CPA6: variants seen among roughly 807,000 people sequenced by gnomAD.
The protein encoded by CPA6 is carboxypeptidase A6.
In CPA6, 58 loss-of-function variants were observed where a neutral mutation model predicts 63.3. The ratio of observed to expected loss-of-function variants is 0.92; its 90% CI spans 0.74 to 1.14. CPA6 has a LOEUF of 1.14. Among genes scored for constraint, CPA6 ranks in the 50% most tolerant of loss-of-function variants. The pLI, the probability that CPA6 is intolerant of heterozygous loss-of-function variation, is 0.00. For synonymous variants in CPA6, 185 were observed against 179.0 expected (o/e 1.03, Z -0.27); for missense variants, 565 against 526.6 (o/e 1.07, Z -0.71).
chr8:67,721,370 T>C (rs937570341), intron 1 of CPA6, among the ~76,000 whole-genome samples: 28 of 152,270 alleles, frequency 1.8e-4, no homozygotes, highest in African/African-American at 6.8e-4. Context: ...TTTCAGATAT[T>C]GAAGGTCTGT....
At chr8:67,537,921 T>G (rs1812620550) in intron 2 of CPA6, among the ~76,000 whole-genome samples, 1 of 152,222 alleles carries the variant, frequency 6.6e-6, no homozygotes, top group Non-Finnish European at 1.5e-5. Context: ...ACTTATTTAT[T>G]TCTGCCTTAA....
At chr8:67,621,238 T>G (rs1209330311) in intron 2 of CPA6, among the ~76,000 whole-genome samples, 1 of 152,210 alleles carries the variant, frequency 6.6e-6, no homozygotes, top group Non-Finnish European at 1.5e-5. Flanking sequence ...CCTTTACCCT[T>G]TGCTGATTTT....
Position 67,511,592 on chromosome 8 carries a change from G to T in CPA6, c.381C>A (p.Asn127Lys), listed in dbSNP as rs1364148930. 1 of 1,612,424 alleles carries T rather than the reference G, an allele frequency of 6.2e-7. No individual in the cohort carries two copies. Among genetic ancestry groups the T allele is most frequent in the Non-Finnish European group, 8.5e-7 (1 of 1,178,576 alleles). ...AATTATATCCAGAGAGGGATCTTCG[G>T]TTTCTCTGGGTGTGCAAGCTGCTTC... ...EKGSSLHTQR[N>K]RRSLSGYNYE... The change falls in exon 4 of 11, where the codon AAC becomes AAA. Residue 127 changes from asparagine (N) to lysine (K), a missense_variant. Physicochemically the swap from Asn to Lys is moderately conservative, Grantham distance 94. Coordinates refer to ENST00000297770, the MANE Select transcript of CPA6 (RefSeq NM_020361.5).
chr8:67,456,618 A>G (rs957437677), intron 8 of CPA6, among the ~76,000 whole-genome samples: 2 of 152,190 alleles, frequency 1.3e-5, no homozygotes, highest in African/African-American at 2.4e-5. Flanking sequence ...AGCCTTCAAG[A>G]TAAAGGGGCT....
At chr8:67,566,562 T>C (rs916382779) in intron 2 of CPA6, among the ~76,000 whole-genome samples, 1 of 152,244 alleles carries the variant, frequency 6.6e-6, no homozygotes, top group Non-Finnish European at 1.5e-5. Context: ...CATTTAGATA[T>C]CTAGTCCCTA....
intron 2 of CPA6, among the ~76,000 whole-genome samples, chr8:67,575,476 A>T (rs1813599057): frequency 6.6e-6 from 1 of 152,238 alleles, no homozygotes; most frequent in African/African-American, 2.4e-5. Flanking sequence ...AAGATACAGA[A>T]TCAACCTAAG....
At chr8:67,471,002 T>C (rs544465118) in intron 8 of CPA6, among the ~76,000 whole-genome samples, 1 of 152,306 alleles carries the variant, frequency 6.6e-6, no homozygotes, top group African/African-American at 2.4e-5. Context: ...TCTCCAGCGC[T>C]TTCCCAACCT....
At chr8:67,600,685 A>G (rs1364545695) in intron 2 of CPA6, among the ~76,000 whole-genome samples, 2 of 152,178 alleles carry the variant, frequency 1.3e-5, no homozygotes, top group Admixed American at 6.5e-5. Flanking sequence ...AATAGTATCA[A>G]ATGGTGTCTT....
At chr8:67,454,230 C>T (rs7824691) in intron 8 of CPA6, among the ~76,000 whole-genome samples, 15,441 of 152,192 alleles carry the variant, frequency 0.1, 2,007 homozygotes, top group African/African-American at 0.3. Context: ...AACCATCTAT[C>T]TTTATTTATA....
At chr8:67,694,217 A>G (rs916146535) in intron 1 of CPA6, among the ~76,000 whole-genome samples, 6 of 151,908 alleles carry the variant, frequency 3.9e-5, no homozygotes, top group Non-Finnish European at 5.9e-5. Context: ...AGCAGATCCA[A>G]TGGTGCTTGA....
chr8:67,463,148 T>C (rs1428231415), intron 8 of CPA6, among the ~76,000 whole-genome samples: 1 of 152,166 alleles, frequency 6.6e-6, no homozygotes, highest in African/African-American at 2.4e-5. Context: ...ATTTGTTCTT[T>C]AAAGAAGAAT....
chr8:67,710,144 T>C (rs747310665), intron 1 of CPA6, among the ~76,000 whole-genome samples: 17 of 152,086 alleles, frequency 1.1e-4, no homozygotes, highest in Admixed American at 2.6e-4. Context: ...ATTGGAAATT[T>C]GTTAAAAGAA....
rs570935018 is a variant in CPA6, at chr8:67,608,910, G to T, written c.192+15266C>A. On this transcript the variant is annotated intron_variant, in intron 2 of 10. Transcript: ENST00000297770. ...CCACACTTAACTAATTGTAGGGAAG[G>T]TTGTGAAATACAGCACCCATGTGGA... 2.6e-5 allele frequency among the ~76,000 whole-genome samples: 4 copies of T among 152,328 alleles called. No individual in the cohort carries two copies. The South Asian group carries it at 8.3e-4, about 32-fold the overall frequency.
intron 1 of CPA6, among the ~76,000 whole-genome samples, chr8:67,727,794 T>A (rs1334255512): frequency 6.6e-6 from 1 of 152,106 alleles, no homozygotes; most frequent in Non-Finnish European, 1.5e-5. Flanking sequence ...AAAACTATTA[T>A]CTGGACAGAC....
Position 67,422,705 on chromosome 8 carries a change from CAAA to C in CPA6, c.1127-17_1127-15del. On this transcript the variant is annotated splice_polypyrimidine_tract_variant and intron_variant, in intron 10 of 10. Transcript: ENST00000297770. The stretch of plus-strand genomic sequence containing the variant: ...CAGAGCTCACATCTAAAAGTTAAAA[CAAA>C]AAAAAAAAGATCAGCCTCACTAAAG... 8.1e-7 allele frequency: 1 copy of C among 1,228,938 alleles called. No homozygotes were observed. The highest frequency in any genetic ancestry group is 1.1e-6 in the Non-Finnish European group (1 of 904,796). The allele number at this position is 1,228,938 out of a possible 1,614,324, so 76.1% of individuals were successfully genotyped here. A position where few individuals can be genotyped will look rare whatever the true frequency, so the allele number is the denominator to read the frequency against.
intron 9 of CPA6, among the ~76,000 whole-genome samples, chr8:67,430,329 G>A (rs1308884170): frequency 2.6e-5 from 4 of 151,674 alleles, no homozygotes; most frequent in Admixed American, 1.3e-4. Context: ...ACAGGCACCC[G>A]CGACCACGCC....
In CPA6 at chr8:67,654,963, T is replaced by C. The variant is rs148276614; in HGVS notation, c.117-30712A>G. ...AATGATTTAATTTTTGTACTCTTTATGTAAGACACAGATAATGCTGCCCCT... is the reference window on the plus strand; with the variant it reads ...AATGATTTAATTTTTGTACTCTTTACGTAAGACACAGATAATGCTGCCCCT... On this transcript the variant is annotated intron_variant, in intron 1 of 10. Coordinates refer to ENST00000297770, the MANE Select transcript of CPA6 (RefSeq NM_020361.5). Among the ~76,000 whole-genome samples, 1,101 of 152,298 alleles carry C rather than the reference T, an allele frequency of 7.2e-3. 14 individuals are homozygous for C. The highest frequency in any genetic ancestry group is 0.025 in the African/African-American group (1,046 of 41,564).
At chr8:67,656,773 A>C (rs1288203754) in intron 1 of CPA6, among the ~76,000 whole-genome samples, 2 of 152,272 alleles carry the variant, frequency 1.3e-5, no homozygotes, top group East Asian at 3.9e-4. Context: ...TGGGCCTACA[A>C]CCCATGGGAT....
intron 2 of CPA6, among the ~76,000 whole-genome samples, chr8:67,606,484 C>G (rs1438266577): frequency 6.6e-6 from 1 of 152,168 alleles, no homozygotes; most frequent in Non-Finnish European, 1.5e-5. Flanking sequence ...AGGTATGGCT[C>G]TTTATGCTCT....
Sources: gnomAD v4.1 joint callset for allele counts (sites outside exome capture counted in the v4.1 genomes callset) on GRCh38, gnomAD v4.1.1 for gene constraint, MANE v1.5 for transcripts, NCBI Gene and HGNC (gene_info 2026-07-23, HGNC 2026-07-21) for gene names.